Variants in PLCG2 observed in about 807,000 individuals in gnomAD.
PLCG2 encodes phospholipase C gamma 2.
A neutral mutation model predicts 175.6 loss-of-function variants in PLCG2; 69 were observed. The observed-to-expected ratio is 0.39, with a 90% confidence interval of 0.32 to 0.48. The LOEUF is 0.48. Among genes scored for constraint, PLCG2 ranks in the 20% least tolerant of loss-of-function variants. The probability of loss-of-function intolerance (pLI) is 0.91; values close to 1 mark genes in which losing one functional copy is unlikely to be tolerated. For missense variants in PLCG2, 1,798 were observed against 1,650.9 expected, an observed-to-expected ratio of 1.09 and a Z score of -1.54; for synonymous variants, 827 against 624.0, an observed-to-expected ratio of 1.33 and a Z score of -4.85.
At chr16:81,761,043 C>T (rs941461282) in intron 2 of PLCG2, among the ~76,000 whole-genome samples, 8 of 152,100 alleles carry the variant, frequency 5.3e-5, no homozygotes, top group Admixed American at 2.0e-4. Context: ...ACTATAAGTG[C>T]GCACCACCAC....
chr16:81,923,728 C>T (rs903772052), intron 22 of PLCG2, 134 bp downstream of exon 22: 2 of 573,258 alleles, frequency 3.5e-6, no homozygotes, highest in Non-Finnish European at 6.3e-6. Flanking sequence ...GTGTTAAGTC[C>T]CTTCTTAGGA....
At chr16:81,908,880 AC>A (rs1829751980) in intron 17 of PLCG2, among the ~76,000 whole-genome samples, 1 of 152,100 alleles carries the variant, frequency 6.6e-6, no homozygotes, top group South Asian at 2.1e-4. Context: ...ACAAGATCTG[AC>A]CCTACTCTTA....
chr16:81,953,945 G>T (rs1359722634), intron 31 of PLCG2, among the ~76,000 whole-genome samples: 4 of 152,148 alleles, frequency 2.6e-5, no homozygotes, highest in African/African-American at 9.7e-5. Context: ...TAAAACAACA[G>T]AAGCCATTTT....
chr16:81,919,638 C>T lies in PLCG2; in HGVS notation c.2209C>T (p.Pro737Ser), dbSNP rs748649938. Reference protein sequence around the residue: ...RKMRLRYPVTPELLERYNMER... With the variant: ...RKMRLRYPVTSELLERYNMER... ...GATGAGACTGCGCTACCCCGTGACCCCCGAGCTCCTGGAGCGCTACAATAT... is the reference window on the plus strand; with the variant it reads ...GATGAGACTGCGCTACCCCGTGACCTCCGAGCTCCTGGAGCGCTACAATAT... Residue 737 changes from proline (P) to serine (S), a missense_variant, in exon 20 of 33, where the codon CCC becomes TCC. Coordinates refer to ENST00000564138, the MANE Select transcript of PLCG2 (RefSeq NM_002661.5). 2 of 1,613,950 alleles carry T rather than the reference C, an allele frequency of 1.2e-6. No individual in the cohort carries two copies. Among genetic ancestry groups the T allele is most frequent in the Non-Finnish European group, 1.7e-6 (2 of 1,179,910 alleles).
chr16:81,843,704 C>T (rs961600961), intron 2 of PLCG2, among the ~76,000 whole-genome samples: 1 of 152,154 alleles, frequency 6.6e-6, no homozygotes. Flanking sequence ...CTCCAACTAC[C>T]TTGTACTGTA....
intron 32 of PLCG2, among the ~76,000 whole-genome samples, chr16:81,957,666 T>C (rs1431842728): frequency 6.6e-6 from 1 of 152,136 alleles, no homozygotes; most frequent in East Asian, 1.9e-4. Context: ...AAAATCCTAA[T>C]AGTAGCCACC....
At chr16:81,855,262 A>C (rs1309138249) in intron 3 of PLCG2, among the ~76,000 whole-genome samples, 1 of 152,110 alleles carries the variant, frequency 6.6e-6, no homozygotes, top group Non-Finnish European at 1.5e-5. Flanking sequence ...TGGCTCAGCA[A>C]ATCTGATTGA....
intron 2 of PLCG2, among the ~76,000 whole-genome samples, chr16:81,760,434 C>G (rs1398098893): frequency 6.6e-6 from 1 of 152,266 alleles, no homozygotes; most frequent in Admixed American, 6.5e-5. Flanking sequence ...TGGACACAAG[C>G]CTGATGCTGG....
intron 30 of PLCG2, among the ~76,000 whole-genome samples, chr16:81,944,098 T>G (rs1911059392): frequency 6.6e-6 from 1 of 152,228 alleles, no homozygotes; most frequent in Admixed American, 6.5e-5. Flanking sequence ...TATAAAATTG[T>G]GTATCAGAAG....
chr16:81,846,027 G>A (rs141636099), intron 2 of PLCG2, among the ~76,000 whole-genome samples: 102 of 152,292 alleles, frequency 6.7e-4, no homozygotes, highest in East Asian at 9.6e-4. Context: ...TGTGAGGAAC[G>A]ATGAGTTAAT....
chr16:81,956,335 G>A lies in PLCG2; in HGVS notation c.3571-360G>A, dbSNP rs144618591. Among the ~76,000 whole-genome samples, 198 of 152,164 alleles carry A rather than the reference G, an allele frequency of 1.3e-3. 1 individual carries two copies. Among genetic ancestry groups the A allele is most frequent in the African/African-American group, 3.9e-3 (160 of 41,502 alleles). On this transcript the variant is annotated intron_variant, in intron 31 of 32. Coordinates refer to ENST00000564138, the MANE Select transcript of PLCG2 (RefSeq NM_002661.5). ...TCCTCTGCTGGGTTCCACTTTAAGC[G>A]TGCAGCTGCTTAGACACTTTTGCAG...
At chr16:81,830,594 C>T (rs1905220277) in intron 2 of PLCG2, among the ~76,000 whole-genome samples, 1 of 151,854 alleles carries the variant, frequency 6.6e-6, no homozygotes, top group African/African-American at 2.4e-5. Flanking sequence ...AGGCATAAGC[C>T]CCCATGCCTG....
rs543639638 is a variant in PLCG2 at position 81,801,392 on chromosome 16, C to T, written c.193+15210C>T. Reference sequence around the variant, plus strand: ...GCAGGTCTTTACATAAAAGACACTGCGTGGTGTGTATCCCTCAAGCAACTT... The same window carrying T: ...GCAGGTCTTTACATAAAAGACACTGTGTGGTGTGTATCCCTCAAGCAACTT... On this transcript the variant is annotated intron_variant, in intron 2 of 32. Coordinates refer to ENST00000564138, the MANE Select transcript of PLCG2 (RefSeq NM_002661.5). Among the ~76,000 whole-genome samples, 8 of 152,250 alleles carry T rather than the reference C, an allele frequency of 5.3e-5. No homozygotes were observed. The East Asian group carries it at 1.5e-3, about 29-fold the overall frequency.
chr16:81,900,860 G>A (rs1033690975), intron 14 of PLCG2, 80 bp downstream of exon 14: 8 of 1,326,720 alleles, frequency 6.0e-6, no homozygotes, highest in South Asian at 5.4e-5. Context: ...CGTTCACCAA[G>A]TTCTATGTCC....
At chr16:81,818,023 G>C (rs553979280) in intron 2 of PLCG2, among the ~76,000 whole-genome samples, 7 of 152,206 alleles carry the variant, frequency 4.6e-5, no homozygotes, top group Non-Finnish European at 8.8e-5. Flanking sequence ...TCTACTCTCT[G>C]TTCCTTCCTT....
upstream of PLCG2, among the ~76,000 whole-genome samples, chr16:81,777,506 T>C (rs1237967773): frequency 2.0e-5 from 3 of 151,622 alleles, no homozygotes; most frequent in African/African-American, 4.9e-5. Flanking sequence ...TCCTGGGGAA[T>C]TGGCCCAATG....
Position 81,907,737 on chromosome 16 carries a change from A to G in PLCG2, c.1520A>G (p.Asp507Gly). 6.2e-7 allele frequency: 1 copy of G among 1,613,988 alleles called. No individual in the cohort carries two copies. Among genetic ancestry groups the G allele is most frequent in the Non-Finnish European group, 8.5e-7 (1 of 1,179,872 alleles). ...GCCGATGCCAAGCTGTCCTTCAGTG[A>G]TGACATTGAACAGACTATGGAGGAG... ...AIADAKLSFS[D>G]DIEQTMEEEV... The change falls in exon 16 of 33, where the codon GAT (aspartate) becomes GGT (glycine). Residue 507 changes from aspartate to glycine, a missense_variant. Coordinates refer to ENST00000564138, the MANE Select transcript of PLCG2 (RefSeq NM_002661.5).
At chr16:81,750,167 G>A (rs1317788051) in intron 1 of PLCG2, among the ~76,000 whole-genome samples, 2 of 152,232 alleles carry the variant, frequency 1.3e-5, no homozygotes, top group East Asian at 3.9e-4. Context: ...CAGCACTTTG[G>A]GAGAACAAGG....
rs114336903 is a variant in PLCG2 at position 81,898,061 on chromosome 16, A to G, written c.1193+2134A>G. Reference sequence around the variant, plus strand: ...AGATGGAAGGAGCTGGTATTAACAGACACTGTGCAGTGGCAGCTTACACTC... The same window carrying G: ...AGATGGAAGGAGCTGGTATTAACAGGCACTGTGCAGTGGCAGCTTACACTC... On this transcript the variant is annotated intron_variant, in intron 13 of 32. Coordinates refer to ENST00000564138, the MANE Select transcript of PLCG2 (RefSeq NM_002661.5). 4.6e-3 allele frequency: 1,493 copies of G among 325,300 alleles called. 26 individuals carry two copies. The highest frequency in any genetic ancestry group is 0.031 in the African/African-American group (1,390 of 44,960). 20.2% of individuals were successfully genotyped at this position (325,300 alleles called of 1,614,324 possible). A position where few individuals can be genotyped will look rare whatever the true frequency, so the allele number is the denominator to read the frequency against.
Sources: gnomAD v4.1 joint callset for allele counts (sites outside exome capture counted in the v4.1 genomes callset) on GRCh38, gnomAD v4.1.1 for gene constraint, MANE v1.5 for transcripts, NCBI Gene and HGNC (gene_info 2026-07-23, HGNC 2026-07-21) for gene names.